Variants in C10orf71 observed in about 807,000 individuals in gnomAD.
C10orf71 encodes the protein cardiac-enriched FHL2-interacting protein.
For synonymous variants in C10orf71, 758 were observed against 726.3 expected (o/e 1.04, Z -0.70); for missense variants, 1,869 against 1,804.5 (o/e 1.04, Z -0.65).
Position 49,322,438 on chromosome 10 carries a change from G to A in C10orf71, c.-108G>A, listed in dbSNP as rs1396028146. On this transcript the variant is annotated 5_prime_UTR_variant, in exon 3 of 3. Coordinates refer to ENST00000374144, the MANE Select transcript of C10orf71 (RefSeq NM_001135196.2). ...AATCCCCACTTTGCAATTGCATCTGGTCAATGAGAGGCTCTAGTTTTGGGG... is the reference window on the plus strand; with the variant it reads ...AATCCCCACTTTGCAATTGCATCTGATCAATGAGAGGCTCTAGTTTTGGGG... The A allele has an allele frequency of 7.4e-7, 1 of 1,356,606 alleles. No individual in the cohort carries two copies. Among genetic ancestry groups the A allele is most frequent in the Non-Finnish European group, 9.8e-7 (1 of 1,022,796 alleles). The allele number at this position is 1,356,606 out of a possible 1,614,324, so 84.0% of individuals were successfully genotyped here.
At chr10:49,301,269 C>G (rs12415154) in intron 1 of C10orf71, among the ~76,000 whole-genome samples, 1 of 152,172 alleles carries the variant, frequency 6.6e-6, no homozygotes, top group Non-Finnish European at 1.5e-5. Context: ...CAGGGTCCAT[C>G]GAGGCTGGAG....
At chr10:49,308,988 G>A (rs1468889905) in intron 1 of C10orf71, among the ~76,000 whole-genome samples, 20 of 152,228 alleles carry the variant, frequency 1.3e-4, no homozygotes, top group Non-Finnish European at 2.6e-4. Context: ...AGGGACCAGC[G>A]ATTGACCTAG....
In C10orf71 at chr10:49,324,613, AAC is replaced by A. The variant is rs1443634411; in HGVS notation, c.2074_2075del (p.His692PhefsTer13). The A allele has an allele frequency of 1.2e-6, 2 of 1,613,832 alleles. No homozygotes were observed. Among genetic ancestry groups the A allele is most frequent in the African/African-American group, 2.7e-5 (2 of 74,918 alleles). On this transcript the variant is annotated frameshift_variant, in exon 3 of 3. Coordinates refer to ENST00000374144, the MANE Select transcript of C10orf71 (RefSeq NM_001135196.2). LOFTEE classifies it low-confidence loss of function (END_TRUNC). ...ACCTGAGAGGGAAGCAGGACTTCAGAACACACATTTGAACCAGAAATTCTTCC... is the reference window on the plus strand; with the variant it reads ...ACCTGAGAGGGAAGCAGGACTTCAGAACACATTTGAACCAGAAATTCTTCC... Reference protein sequence around the residue: ...TEPEREAGLQNTHLNQKFFPG... With the variant: ...TEPEREAGLQXTHLNQKFFPG...
At chr10:49,318,454 C>T (rs1338462931) in intron 2 of C10orf71, among the ~76,000 whole-genome samples, 1 of 152,226 alleles carries the variant, frequency 6.6e-6, no homozygotes, top group Non-Finnish European at 1.5e-5. Flanking sequence ...CAGCAGCCTG[C>T]CTTTCAAGGT....
In C10orf71 at chr10:49,327,015, A is replaced by G; in HGVS notation, c.*162A>G. ...AGATCCATAAAGTCCAGAAGGCAGT[A>G]GGGATCCCAAGACGACCTCACCCAA... On this transcript the variant is annotated 3_prime_UTR_variant, in exon 3 of 3. Coordinates refer to ENST00000374144, the MANE Select transcript of C10orf71 (RefSeq NM_001135196.2). 6.3e-7 allele frequency: 1 copy of G among 1,591,254 alleles called. No individual in the cohort carries two copies. Among genetic ancestry groups the G allele is most frequent in the Non-Finnish European group, 8.6e-7 (1 of 1,168,030 alleles).
At chr10:49,302,595 C>G (rs1848747643) in intron 1 of C10orf71, among the ~76,000 whole-genome samples, 1 of 152,234 alleles carries the variant, frequency 6.6e-6, no homozygotes, top group Non-Finnish European at 1.5e-5. Context: ...GGTTAAGTAA[C>G]TTGCCCAAAG....
chr10:49,305,673 C>CA (rs1564682709), intron 1 of C10orf71, among the ~76,000 whole-genome samples: 7 of 152,186 alleles, frequency 4.6e-5, no homozygotes, highest in Non-Finnish European at 8.8e-5. Flanking sequence ...CTGCCACCAG[C>CA]GGGTGGGGTC....
chr10:49,301,339 T>C (rs985787551), intron 1 of C10orf71, among the ~76,000 whole-genome samples: 1 of 152,204 alleles, frequency 6.6e-6, no homozygotes, highest in African/African-American at 2.4e-5. Flanking sequence ...ATCCAGCCAG[T>C]CCATAGTCTT....
intron 1 of C10orf71, among the ~76,000 whole-genome samples, chr10:49,308,068 A>G: frequency 6.6e-6 from 1 of 152,204 alleles, no homozygotes; most frequent in East Asian, 1.9e-4. Flanking sequence ...AGTCAGCTTC[A>G]GGCTGGGCTG....
rs746534437 is a variant in C10orf71, at chr10:49,324,137, T to C, written c.1592T>C (p.Val531Ala). The change falls in exon 3 of 3, where the codon GTT becomes GCT. Residue 531 changes from valine to alanine, a missense_variant. By Grantham distance (64) the Val-to-Ala change is moderately conservative. Coordinates refer to ENST00000374144, the MANE Select transcript of C10orf71 (RefSeq NM_001135196.2). ...KVLDEKTRGK[V>A]DGKQEPVSNG... is the part of the protein sequence containing the mutation. ...CTTGATGAGAAAACTAGAGGTAAGG[T>C]TGATGGAAAGCAAGAACCTGTGAGC... 1 of 1,613,744 alleles carries C rather than the reference T, an allele frequency of 6.2e-7. No homozygotes were observed. The highest frequency in any genetic ancestry group is 8.5e-7 in the Non-Finnish European group (1 of 1,179,844).
Position 49,322,575 on chromosome 10 carries a change from C to CG in C10orf71, c.31dup (p.Ala11GlyfsTer14), listed in dbSNP as rs1849113472. The stretch of plus-strand genomic sequence containing the variant: ...TGCAAGGAAATAAGAAGTGCACAGA[C>CG]GCGTTCAGCGACTCCTCCAGCATCG... On this transcript the variant is annotated frameshift_variant, in exon 3 of 3. Coordinates refer to ENST00000374144, the MANE Select transcript of C10orf71 (RefSeq NM_001135196.2). LOFTEE classifies it low-confidence loss of function (END_TRUNC). 1 of 1,611,164 alleles carries CG rather than the reference C, an allele frequency of 6.2e-7. No homozygotes were observed. The highest frequency in any genetic ancestry group is 1.7e-5 in the Admixed American group (1 of 59,624).
At position 49,326,609 on chromosome 10, in the gene C10orf71, T is replaced by A. The variant is rs1410671606; in HGVS notation, c.4064T>A (p.Leu1355His). Reference protein sequence around the residue: ...ALMPLRCSSQLSAPTFLRQGP... With the variant: ...ALMPLRCSSQHSAPTFLRQGP... ...ATGCCGCTGCGCTGCTCCTCTCAGC[T>A]CTCCGCGCCCACCTTCCTCAGGCAG... is the stretch of plus-strand genomic sequence containing the variant. Residue 1355 changes from leucine (L) to histidine (H), a missense_variant, in exon 3 of 3, where the codon CTC becomes CAC. Leu to His is a moderately conservative substitution (Grantham distance 99, BLOSUM62 -3). Coordinates refer to ENST00000374144, the MANE Select transcript of C10orf71 (RefSeq NM_001135196.2). The A allele has an allele frequency of 6.5e-7, 1 of 1,550,162 alleles. No homozygotes were observed. Among genetic ancestry groups the A allele is most frequent in the Non-Finnish European group, 8.7e-7 (1 of 1,146,848 alleles).
chr10:49,322,915 A>G lies in C10orf71; in HGVS notation c.370A>G (p.Arg124Gly). The stretch of plus-strand genomic sequence containing the variant: ...CAGCCCCCCACCAACGCCAGTCCAG[A>G]GGAGACTGGAGGTGCCAGTTTCCGG... Reference protein sequence around the residue: ...KTSPPPTPVQRRLEVPVSGLR... With the variant: ...KTSPPPTPVQGRLEVPVSGLR... The change falls in exon 3 of 3, where the codon AGG becomes GGG. Residue 124 changes from arginine (R) to glycine (G), a missense_variant. Physicochemically the swap from Arg to Gly is moderately radical, Grantham distance 125. Transcript: ENST00000374144. The G allele has an allele frequency of 6.2e-7, 1 of 1,613,908 alleles. No homozygotes were observed. Among genetic ancestry groups the G allele is most frequent in the Non-Finnish European group, 8.5e-7 (1 of 1,179,832 alleles).
At chr10:49,310,818 T>TGAAGAAGAA (rs536447518) in intron 1 of C10orf71, among the ~76,000 whole-genome samples, 1 of 152,014 alleles carries the variant, frequency 6.6e-6, no homozygotes, top group African/African-American at 2.4e-5. Flanking sequence ...ATGATGATGA[T>TGAAGAAGAA]GAAGAAGAAG....
intron 2 of C10orf71, among the ~76,000 whole-genome samples, chr10:49,317,503 A>T (rs1849019062): frequency 6.6e-6 from 1 of 152,236 alleles, no homozygotes; most frequent in African/African-American, 2.4e-5. Context: ...TTGTACTTAA[A>T]GACGAGGTTA....
rs772718751 is a variant in C10orf71 at position 49,324,956 on chromosome 10, G to A, written c.2411G>A (p.Arg804Lys). ...CAGGGGGAAGCATTGCAAAGAGAAAGGGAAAGTGTGTCTGGAGGAAGAACC... is the reference window on the plus strand; with the variant it reads ...CAGGGGGAAGCATTGCAAAGAGAAAAGGAAAGTGTGTCTGGAGGAAGAACC... Reference protein sequence around the residue: ...RSQGEALQRERESVSGGRTRK... With the variant: ...RSQGEALQREKESVSGGRTRK... Residue 804 changes from arginine (R) to lysine (K), a missense_variant, in exon 3 of 3, where the codon AGG (arginine) becomes AAG (lysine). Arg to Lys is a conservative substitution (Grantham distance 26). Coordinates refer to ENST00000374144, the MANE Select transcript of C10orf71 (RefSeq NM_001135196.2). The A allele has an allele frequency of 3.9e-5, 60 of 1,550,914 alleles. No homozygotes were observed. The East Asian group carries it at 1.4e-3, about 37-fold the overall frequency.
chr10:49,300,715 G>C (rs1848714661), intron 1 of C10orf71, among the ~76,000 whole-genome samples: 2 of 152,178 alleles, frequency 1.3e-5, no homozygotes, highest in Admixed American at 1.3e-4. Flanking sequence ...GCTTATCGGG[G>C]TGATTTATAA....
upstream of C10orf71, among the ~76,000 whole-genome samples, chr10:49,297,440 C>T (rs1460824258): frequency 6.6e-6 from 1 of 152,052 alleles, no homozygotes; most frequent in African/African-American, 2.4e-5. Context: ...CCATAAAGTT[C>T]TTCTGTTCAA....
chr10:49,308,690 G>A (rs1848859424), intron 1 of C10orf71, among the ~76,000 whole-genome samples: 2 of 152,190 alleles, frequency 1.3e-5, no homozygotes, highest in Admixed American at 1.3e-4. Context: ...CCTGCACATG[G>A]CTATATCTCC....
Sources: allele counts gnomAD v4.1 joint callset (sites outside exome capture counted in the v4.1 genomes callset), GRCh38; gene constraint gnomAD v4.1.1; transcripts MANE v1.5; gene names NCBI Gene and HGNC (gene_info 2026-07-23, HGNC 2026-07-21).